The following VPS36 variants were observed in gnomAD, a reference collection of about 807,000 sequenced individuals.
VPS36 encodes vacuolar protein-sorting-associated protein 36.
A neutral mutation model predicts 63.5 loss-of-function variants in VPS36; 31 were observed. The observed-to-expected ratio is 0.49, with a 90% CI of 0.37 to 0.66. The LOEUF (loss-of-function observed/expected upper bound fraction) is 0.66. Ranked by LOEUF, VPS36 falls within the 30% of genes least tolerant of loss-of-function variation. VPS36 has a pLI of 0.00. For synonymous variants in VPS36, 138 were observed against 157.2 expected (o/e 0.88, Z 0.91); for missense variants, 338 against 463.7 (o/e 0.73, Z 2.49).
In VPS36 at chr13:52,426,975, A is replaced by G; in HGVS notation, c.639+14T>C. The G allele has an allele frequency of 6.2e-7, 1 of 1,600,460 alleles. No individual in the cohort carries two copies. Among genetic ancestry groups the G allele is most frequent in the East Asian group, 2.2e-5 (1 of 44,736 alleles). Reference sequence around the variant, plus strand: ...ATCTAGTTTCAAATGCCTTAAAAAAAGCAACTTATTTACCTCATCTTCTGT... The same window carrying G: ...ATCTAGTTTCAAATGCCTTAAAAAAGGCAACTTATTTACCTCATCTTCTGT... On this transcript the variant is annotated intron_variant, in intron 8 of 13. Coordinates refer to ENST00000378060, the MANE Select transcript of VPS36 (RefSeq NM_016075.4).
At chr13:52,428,895 A>T (rs1958129526) in intron 6 of VPS36, among the ~76,000 whole-genome samples, 1 of 152,142 alleles carries the variant, frequency 6.6e-6, no homozygotes, top group Non-Finnish European at 1.5e-5. Flanking sequence ...CATAGGCAAT[A>T]AAAAAAGTAA....
chr13:52,439,220 A>C (rs780487546), intron 2 of VPS36, 52 bp from the exon 3 acceptor site: 1 of 1,522,268 alleles, frequency 6.6e-7, no homozygotes, highest in Non-Finnish European at 9.1e-7. Flanking sequence ...CATCCATAAC[A>C]CTTGTCAGAA....
Position 52,415,157 on chromosome 13 carries a change from GTCTATACAGCTC to G in VPS36, c.*661_*672del, listed in dbSNP as rs760440568. 4 of 152,106 alleles carry G rather than the reference GTCTATACAGCTC, an allele frequency of 2.6e-5. No homozygotes were observed. Among genetic ancestry groups the G allele is most frequent in the Non-Finnish European group, 4.4e-5 (3 of 68,046 alleles). 9.4% of individuals were successfully genotyped at this position (152,106 alleles called of 1,614,324 possible). A position where few individuals can be genotyped will look rare whatever the true frequency, so the allele number is the denominator to read the frequency against. On this transcript the variant is annotated 3_prime_UTR_variant, in exon 14 of 14. Transcript: ENST00000378060. ...AATTTGTAATCATAACTCTGGGCAT[GTCTATACAGCTC>G]TCTAGTTCAGTTTCAAAATCCACAG...
Position 52,415,548 on chromosome 13 carries a change from G to A in VPS36, c.*282C>T, listed in dbSNP as rs191169441. ...CCTTCTTTATAAAATGATTAGATTT[G>A]AGGATCAAGTTAAAATCCACTATAT... On this transcript the variant is annotated 3_prime_UTR_variant, in exon 14 of 14. Transcript: ENST00000378060. 32 of 265,130 alleles carry A rather than the reference G, an allele frequency of 1.2e-4. No homozygotes were observed. Among genetic ancestry groups the A allele is most frequent in the African/African-American group, 6.7e-4 (30 of 44,878 alleles). The allele number at this position is 265,130 out of a possible 1,614,324, so 16.4% of individuals were successfully genotyped here. A position where few individuals can be genotyped will look rare whatever the true frequency, so the allele number is the denominator to read the frequency against.
At position 52,417,956 on chromosome 13, in the gene VPS36, T is replaced by C. The variant is rs376061053; in HGVS notation, c.905+36A>G. On this transcript the variant is annotated intron_variant, in intron 11 of 13. Transcript: ENST00000378060. ...CCATCTACCCCATGCAGAATCATGG[T>C]TGCAGGTGGCAAACTTCCTGCAGAG... is the stretch of plus-strand genomic sequence containing the variant. 1.6e-5 allele frequency: 25 copies of C among 1,592,182 alleles called. No individual in the cohort carries two copies. The East Asian group carries it at 4.5e-4, about 28-fold the overall frequency.
chr13:52,433,417 C>T (rs1234061841), intron 6 of VPS36, among the ~76,000 whole-genome samples: 1 of 152,222 alleles, frequency 6.6e-6, no homozygotes, highest in African/African-American at 2.4e-5. Context: ...GTAAAATCTA[C>T]ACACAACATT....
At chr13:52,435,637 C>T (rs1958208439) in intron 4 of VPS36, among the ~76,000 whole-genome samples, 1 of 152,140 alleles carries the variant, frequency 6.6e-6, no homozygotes, top group African/African-American at 2.4e-5. Context: ...TACCTATGCT[C>T]ACAAATAATC....
intron 5 of VPS36, 131 bp from the exon 6 acceptor site, chr13:52,433,879 G>T: frequency 3.0e-6 from 2 of 674,074 alleles, no homozygotes; most frequent in Non-Finnish European, 2.5e-6. Context: ...CAGCATACAC[G>T]GACATTTAGC....
chr13:52,432,861 G>A (rs1027686335), intron 6 of VPS36, among the ~76,000 whole-genome samples: 6 of 152,176 alleles, frequency 3.9e-5, no homozygotes, highest in African/African-American at 1.4e-4. Context: ...CAATTAGTGA[G>A]CCCAAAATAA....
At chr13:52,433,496 TA>T (rs1958181335) in intron 6 of VPS36, among the ~76,000 whole-genome samples, 165 bp downstream of exon 6, 1 of 152,174 alleles carries the variant, frequency 6.6e-6, no homozygotes, top group Admixed American at 6.5e-5. Flanking sequence ...AGGTTTTGGT[TA>T]GATTTTGCCA....
chr13:52,418,100 A>T, intron 10 of VPS36, 44 bp from the exon 11 acceptor site: 2 of 1,507,264 alleles, frequency 1.3e-6, no homozygotes, highest in Non-Finnish European at 1.8e-6. Flanking sequence ...AATGGTAATG[A>T]TCACTAAAAC....
chr13:52,450,226 G>A, intron 1 of VPS36: 1 of 1,081,930 alleles, frequency 9.2e-7, no homozygotes, highest in Non-Finnish European at 1.1e-6. Flanking sequence ...AAGCATTCCG[G>A]GCGGAGGGAA....
intron 12 of VPS36, 173 bp from the exon 13 acceptor site, chr13:52,416,266 G>T: frequency 1.5e-6 from 1 of 646,866 alleles, no homozygotes; most frequent in South Asian, 2.1e-5. Flanking sequence ...TTTAACTAAT[G>T]CTTAATCCTA....
intron 2 of VPS36, among the ~76,000 whole-genome samples, chr13:52,440,819 A>C (rs1433297944): frequency 6.6e-6 from 1 of 152,218 alleles, no homozygotes; most frequent in Non-Finnish European, 1.5e-5. Context: ...TAACAGTCTA[A>C]GGCAGCAGTC....
rs765341657 is a variant in VPS36 at position 52,427,242 on chromosome 13, G to T, written c.529-23C>A. 76 of 1,611,200 alleles carry T rather than the reference G, an allele frequency of 4.7e-5. No homozygotes were observed. In the South Asian group the frequency reaches 7.6e-4, roughly 16 times the overall value. ...GGCCTGAAATGAGAAATGAATTTTG[G>T]TTGAAATCCATCTAAAGAATTAAAA... On this transcript the variant is annotated intron_variant, in intron 6 of 13. Transcript: ENST00000378060.
intron 3 of VPS36, among the ~76,000 whole-genome samples, chr13:52,437,145 T>G (rs1337565177): frequency 1.3e-5 from 2 of 152,106 alleles, no homozygotes; most frequent in Non-Finnish European, 2.9e-5. Context: ...CCTAGTTTAG[T>G]GCTTTTTCTT....
chr13:52,441,848 T>G (rs1231247398), intron 2 of VPS36, among the ~76,000 whole-genome samples: 1 of 152,216 alleles, frequency 6.6e-6, no homozygotes, highest in Non-Finnish European at 1.5e-5. Flanking sequence ...ATGGCAGGCC[T>G]AGCCTCCTGA....
chr13:52,425,611 G>A (rs1294429245), intron 9 of VPS36, among the ~76,000 whole-genome samples: 14 of 151,998 alleles, frequency 9.2e-5, no homozygotes, highest in Non-Finnish European at 1.8e-4. Flanking sequence ...ATGATTAATA[G>A]TACTAAATAG....
intron 1 of VPS36, among the ~76,000 whole-genome samples, chr13:52,444,754 T>C (rs1958321033): frequency 6.6e-6 from 1 of 151,782 alleles, no homozygotes; most frequent in Admixed American, 6.6e-5. Context: ...AAGTAACTGC[T>C]TATGGGTAGT....
Sources: allele counts gnomAD v4.1 joint callset (sites outside exome capture counted in the v4.1 genomes callset), GRCh38; gene constraint gnomAD v4.1.1; transcripts MANE v1.5; gene names NCBI Gene and HGNC (gene_info 2026-07-23, HGNC 2026-07-21).